Variants in RBM33 observed in about 807,000 individuals in gnomAD.
RBM33 encodes RNA-binding protein 33.
In RBM33, 28 loss-of-function variants were observed where a neutral mutation model predicts 132.6. The observed-to-expected ratio is 0.21, with a 90% CI of 0.16 to 0.29. The LOEUF is 0.29. RBM33 is among the 10% of genes least tolerant of loss of function. RBM33 has a pLI of 1.00. For missense variants in RBM33, 1,291 were observed against 1,518.5 expected, an observed-to-expected ratio of 0.85 and a Z score of 2.49; for synonymous variants, 634 against 593.0, an observed-to-expected ratio of 1.07 and a Z score of -1.01.
At chr7:155,681,516 A>G (rs1018178040) in intron 5 of RBM33, among the ~76,000 whole-genome samples, 7 of 152,168 alleles carry the variant, frequency 4.6e-5, no homozygotes, top group African/African-American at 1.4e-4. Context: ...AACAAGAAAG[A>G]AAAAATGTAC....
chr7:155,693,423 G>C (rs1050800297), intron 5 of RBM33, among the ~76,000 whole-genome samples: 3 of 151,380 alleles, frequency 2.0e-5, no homozygotes, highest in African/African-American at 7.3e-5. Context: ...GAAAGTAAGA[G>C]CTCATCCATA....
chr7:155,722,229 G>T (rs1278112932), intron 9 of RBM33, among the ~76,000 whole-genome samples: 2 of 152,140 alleles, frequency 1.3e-5, no homozygotes, highest in Admixed American at 6.5e-5. Flanking sequence ...AACATGTCCT[G>T]TGTGACTGAT....
At position 155,777,520 on chromosome 7, in the gene RBM33, T is replaced by C. The variant is rs1563188807; in HGVS notation, c.*2479T>C. The C allele has an allele frequency of 6.6e-6, 1 of 152,376 alleles. No individual in the cohort carries two copies. Among genetic ancestry groups the C allele is most frequent in the East Asian group, 1.9e-4 (1 of 5,190 alleles). 9.4% of individuals were successfully genotyped at this position (152,376 alleles called of 1,614,324 possible). A position where few individuals can be genotyped will look rare whatever the true frequency, so the allele number is the denominator to read the frequency against. On this transcript the variant is annotated 3_prime_UTR_variant, in exon 18 of 18. Coordinates refer to ENST00000401878, the MANE Select transcript of RBM33 (RefSeq NM_053043.3). ...AGCAGAATGAGAAAGGAATGGTACTTAGGTGTTTGGTATGCTGCTCACGTG... is the reference window on the plus strand; with the variant it reads ...AGCAGAATGAGAAAGGAATGGTACTCAGGTGTTTGGTATGCTGCTCACGTG...
intron 5 of RBM33, among the ~76,000 whole-genome samples, chr7:155,699,547 C>T (rs1799898804): frequency 6.6e-6 from 1 of 152,150 alleles, no homozygotes; most frequent in South Asian, 2.1e-4. Flanking sequence ...CAGCAAAAAT[C>T]CTGAGATTTT....
At chr7:155,709,747 C>T (rs1018744036) in intron 7 of RBM33, among the ~76,000 whole-genome samples, 1 of 152,144 alleles carries the variant, frequency 6.6e-6, no homozygotes, top group African/African-American at 2.4e-5. Context: ...GATCCCTACT[C>T]TCATGGGCAA....
At chr7:155,711,570 C>A in intron 8 of RBM33, 115 bp downstream of exon 8, 1 of 579,752 alleles carries the variant, frequency 1.7e-6, no homozygotes, top group Non-Finnish European at 2.8e-6. Context: ...AAGCAGTATG[C>A]GTTCAGAAGA....
At chr7:155,677,362 C>T (rs897407530) in intron 3 of RBM33, among the ~76,000 whole-genome samples, 3 of 152,084 alleles carry the variant, frequency 2.0e-5, no homozygotes, top group Non-Finnish European at 4.4e-5. Flanking sequence ...GCGCCCCTCA[C>T]CACGCCTGGC....
chr7:155,671,722 C>G (rs1269850008), intron 2 of RBM33, among the ~76,000 whole-genome samples: 1 of 152,178 alleles, frequency 6.6e-6, no homozygotes, highest in Non-Finnish European at 1.5e-5. Context: ...AGTTAAATCT[C>G]CATGAGTATT....
chr7:155,774,524 C>G lies in RBM33; in HGVS notation c.3376-35C>G. On this transcript the variant is annotated intron_variant, in intron 16 of 17. Coordinates refer to ENST00000401878, the MANE Select transcript of RBM33 (RefSeq NM_053043.3). The surrounding 1 kb of genome is among the most constrained non-coding windows in gnomAD (Gnocchi z 4.2). ...TATTCATATTTTTTATTGTCATTTA[C>G]AACTGATCTTAAAGTGTTTGTTTTC... 1 of 1,444,042 alleles carries G rather than the reference C, an allele frequency of 6.9e-7. No individual in the cohort carries two copies. The highest frequency in any genetic ancestry group is 9.8e-7 in the Non-Finnish European group (1 of 1,025,372). 89.5% of individuals were successfully genotyped at this position (1,444,042 alleles called of 1,614,324 possible).
intron 15 of RBM33, 94 bp from the exon 16 acceptor site, chr7:155,766,373 T>C: frequency 7.3e-7 from 1 of 1,360,920 alleles, no homozygotes; most frequent in Non-Finnish European, 1.0e-6. Flanking sequence ...TATATTTTAA[T>C]GGATTCTAAG....
intron 1 of RBM33, among the ~76,000 whole-genome samples, chr7:155,651,319 T>A (rs1478157177): frequency 3.9e-5 from 6 of 152,154 alleles, no homozygotes; most frequent in Admixed American, 3.9e-4. Flanking sequence ...TTTGTAAGAT[T>A]TTTGGCGGTA....
chr7:155,709,789 G>A (rs1366562892), intron 7 of RBM33, among the ~76,000 whole-genome samples: 3 of 152,200 alleles, frequency 2.0e-5, no homozygotes, highest in African/African-American at 7.2e-5. Context: ...TAAGGAGGGG[G>A]AAACATACTG....
intron 5 of RBM33, among the ~76,000 whole-genome samples, chr7:155,692,485 T>C (rs1271028454): frequency 6.6e-6 from 1 of 152,194 alleles, no homozygotes; most frequent in African/African-American, 2.4e-5. Flanking sequence ...TACTCCCCAT[T>C]GTGACACATT....
At chr7:155,713,886 C>T (rs891246413) in intron 8 of RBM33, among the ~76,000 whole-genome samples, 2 of 151,900 alleles carry the variant, frequency 1.3e-5, no homozygotes, top group Non-Finnish European at 2.9e-5. Flanking sequence ...GGTGGGCTTG[C>T]TGAGGGGGAG....
At chr7:155,708,957 C>T (rs9692391) in intron 7 of RBM33, among the ~76,000 whole-genome samples, 3,747 of 152,000 alleles carry the variant, frequency 0.025, 143 homozygotes, top group African/African-American at 0.085. Flanking sequence ...GGATTCCGTT[C>T]TGTTCCCTGT....
rs1420144709 is a variant in RBM33, at chr7:155,763,733, A to AGGT, written c.2980-76_2980-74dup. On this transcript the variant is annotated intron_variant, in intron 14 of 17. Transcript: ENST00000401878. ...TTGCTTTGTGGGTGAACACTGGCTG[A>AGGT]GGTGGGCTTCCTAATGCTGGGGAGG... is the stretch of plus-strand genomic sequence containing the variant. 6 of 1,314,194 alleles carry AGGT rather than the reference A, an allele frequency of 4.6e-6. No individual in the cohort carries two copies. The Admixed American group carries it at 1.2e-4, about 26-fold the overall frequency. 81.4% of individuals were successfully genotyped at this position (1,314,194 alleles called of 1,614,324 possible).
At chr7:155,752,654 C>T (rs1306118817) in intron 14 of RBM33, among the ~76,000 whole-genome samples, 1 of 152,148 alleles carries the variant, frequency 6.6e-6, no homozygotes, top group Non-Finnish European at 1.5e-5. Context: ...CTTCTGAGGC[C>T]GCCCATCGCC....
chr7:155,691,804 C>G (rs1799650707), intron 5 of RBM33, among the ~76,000 whole-genome samples: 1 of 152,012 alleles, frequency 6.6e-6, no homozygotes, highest in South Asian at 2.1e-4. Context: ...GCCTGTAATC[C>G]CAGCACTTTG....
intron 5 of RBM33, among the ~76,000 whole-genome samples, chr7:155,699,962 A>C (rs1471767425): frequency 6.6e-6 from 1 of 152,206 alleles, no homozygotes; most frequent in Non-Finnish European, 1.5e-5. Flanking sequence ...TACTTATTTT[A>C]TGTCTAAGAG....
Sources: gnomAD v4.1 joint callset for allele counts (sites outside exome capture counted in the v4.1 genomes callset) on GRCh38, gnomAD v4.1.1 for gene constraint, Gnocchi (gnomAD v3.1) non-coding constraint, MANE v1.5 for transcripts, NCBI Gene and HGNC (gene_info 2026-07-23, HGNC 2026-07-21) for gene names.